The following TSPEAR variants were observed in gnomAD, a reference collection of about 807,000 sequenced individuals.
The protein encoded by TSPEAR is thrombospondin-type laminin G domain and EAR repeat-containing protein.
TSPEAR carries 69 observed loss-of-function variants against 71.6 expected under a neutral mutation model. The ratio of observed to expected loss-of-function variants is 0.96; its 90% CI spans 0.79 to 1.18. TSPEAR has a LOEUF of 1.18. TSPEAR is among the 50% of genes most tolerant of loss of function. The pLI is 0.00. For missense variants in TSPEAR, 971 were observed against 894.9 expected (o/e 1.09, Z -1.09); for synonymous variants, 402 against 387.2 (o/e 1.04, Z -0.45).
chr21:44,616,713 G>A (rs1355213460), intron 1 of TSPEAR, among the ~76,000 whole-genome samples: 1 of 152,238 alleles, frequency 6.6e-6, no homozygotes, highest in African/African-American at 2.4e-5. Flanking sequence ...CCGTGACAAT[G>A]CGGCTGCGCA....
At chr21:44,545,685 G>A (rs2053292633) in intron 2 of TSPEAR, among the ~76,000 whole-genome samples, 1 of 152,052 alleles carries the variant, frequency 6.6e-6, no homozygotes, top group South Asian at 2.1e-4. Context: ...AACTCAAAGA[G>A]AAGACAGAAA....
intron 11 of TSPEAR, 25 bp downstream of exon 11, chr21:44,504,755 G>A (rs781992480): frequency 4.4e-6 from 7 of 1,578,228 alleles, no homozygotes. Flanking sequence ...GCTCTGGGAG[G>A]AGGCCGGCCT....
intron 1 of TSPEAR, chr21:44,627,769 C>A: frequency 6.2e-7 from 1 of 1,600,134 alleles, no homozygotes; most frequent in South Asian, 1.1e-5. Flanking sequence ...CTGCTGTGTG[C>A]CTGTCTGCTC....
intron 1 of TSPEAR, chr21:44,702,078 G>A (rs911013632): frequency 2.1e-5 from 16 of 748,792 alleles, no homozygotes; most frequent in Middle Eastern, 3.8e-4. Flanking sequence ...CGTCACACAC[G>A]TTCCTATGAG....
chr21:44,702,588 C>T (rs1262312332), intron 1 of TSPEAR: 2 of 1,607,542 alleles, frequency 1.2e-6, no homozygotes, highest in Non-Finnish European at 1.7e-6. Flanking sequence ...GCTGCACTTC[C>T]TCCTGCTGCA....
At position 44,527,385 on chromosome 21, in the gene TSPEAR, G is replaced by A. The variant is rs781883275; in HGVS notation, c.1056C>T (p.Ala352=). 2.7e-5 allele frequency: 43 copies of A among 1,614,048 alleles called. No individual in the cohort carries two copies. In the East Asian group the frequency reaches 6.0e-4, roughly 23 times the overall value. Residue 352 remains alanine, a synonymous_variant, in exon 7 of 12, where the codon GCC becomes GCT. Coordinates refer to ENST00000323084, the MANE Select transcript of TSPEAR (RefSeq NM_144991.3). ...ACTTCTCTTCGGTCCACTTGTAGAC[G>A]GCGGATGTGGCTTTGCGATTGGCTG... The part of the protein sequence containing the change: ...VATANRKATS[A]VYKWTEEKFV...
intron 1 of TSPEAR, among the ~76,000 whole-genome samples, chr21:44,660,514 TA>T (rs1985427429): frequency 6.6e-6 from 1 of 152,194 alleles, no homozygotes; most frequent in African/African-American, 2.4e-5. Context: ...CCTATGACAC[TA>T]AAAGTGTCTT....
At chr21:44,541,346 A>G (rs1555917223) in intron 2 of TSPEAR, among the ~76,000 whole-genome samples, 1 of 152,250 alleles carries the variant, frequency 6.6e-6, no homozygotes, top group African/African-American at 2.4e-5. Context: ...TATGCTGTAT[A>G]AAATGCTCTG....
intron 1 of TSPEAR, among the ~76,000 whole-genome samples, chr21:44,617,376 A>G (rs1982172404): frequency 6.6e-6 from 1 of 152,236 alleles, no homozygotes; most frequent in Non-Finnish European, 1.5e-5. Context: ...CAGAACAGAG[A>G]ACAGACACAC....
intron 1 of TSPEAR, among the ~76,000 whole-genome samples, chr21:44,597,339 T>C (rs1395559956): frequency 1.3e-5 from 2 of 152,116 alleles, no homozygotes; most frequent in Non-Finnish European, 2.9e-5. Context: ...TATTCATAAG[T>C]CACACTAGCA....
chr21:44,680,393 A>AC (rs1986524469), intron 1 of TSPEAR, among the ~76,000 whole-genome samples: 1 of 152,252 alleles, frequency 6.6e-6, no homozygotes, highest in African/African-American at 2.4e-5. Context: ...ACAAAAAATA[A>AC]CAGATGCTGG....
intron 9 of TSPEAR, among the ~76,000 whole-genome samples, chr21:44,512,170 G>A (rs2145929893): frequency 6.6e-6 from 1 of 152,338 alleles, no homozygotes; most frequent in African/African-American, 2.4e-5. Flanking sequence ...GGCTGGGGCG[G>A]GCCTACAGGG....
At chr21:44,583,643 G>A (rs782492769) in intron 1 of TSPEAR, among the ~76,000 whole-genome samples, 3 of 152,032 alleles carry the variant, frequency 2.0e-5, no homozygotes, top group Non-Finnish European at 4.4e-5. Context: ...TCTATTTTAT[G>A]AGTATAGTTA....
At chr21:44,646,315 A>G (rs1472008147) in intron 1 of TSPEAR, 1 of 1,199,718 alleles carries the variant, frequency 8.3e-7, no homozygotes, top group African/African-American at 1.5e-5. Flanking sequence ...AAGGAAGAAA[A>G]GCTTGTGGAG....
At position 44,676,519 on chromosome 21, in the gene TSPEAR, G is replaced by A. The variant is rs587687304; in HGVS notation, c.82+34914C>T. The A allele has an allele frequency of 2.3e-4, 172 of 764,194 alleles. 1 individual carries two copies. In the South Asian group the frequency reaches 2.3e-3, roughly 10 times the overall value. The allele number at this position is 764,194 out of a possible 1,614,324, so 47.3% of individuals were successfully genotyped here. A position where few individuals can be genotyped will look rare whatever the true frequency, so the allele number is the denominator to read the frequency against. ...GATTCCTCTGAGTCTGGCATAGGCG[G>A]TATTTATATCCAGAGTAAAGTTGTG... On this transcript the variant is annotated intron_variant, in intron 1 of 11. Coordinates refer to ENST00000323084, the MANE Select transcript of TSPEAR (RefSeq NM_144991.3).
intron 1 of TSPEAR, chr21:44,638,486 G>A (rs1555937771): frequency 5.5e-6 from 2 of 363,932 alleles, no homozygotes; most frequent in Non-Finnish European, 1.1e-5. Flanking sequence ...CCCCGGGGGG[G>A]CACAGGGTGA....
Position 44,612,605 on chromosome 21 carries a change from A to T in TSPEAR, c.83-44600T>A. 2.5e-6 allele frequency: 4 copies of T among 1,613,264 alleles called. No homozygotes were observed. Among genetic ancestry groups the T allele is most frequent in the Admixed American group, 1.7e-5 (1 of 59,974 alleles). ...ATGCCAACAGGCCTGCTGTGTGCCC[A>T]TCTGCTGCAAGCCCATCTGCTGTGT... On this transcript the variant is annotated intron_variant, in intron 1 of 11. Coordinates refer to ENST00000323084, the MANE Select transcript of TSPEAR (RefSeq NM_144991.3). The surrounding 1 kb of genome is among the most constrained non-coding windows in gnomAD (Gnocchi z 4.1).
chr21:44,637,274 G>A (rs1327524033), intron 1 of TSPEAR: 2 of 1,112,522 alleles, frequency 1.8e-6, no homozygotes, highest in East Asian at 2.4e-5. Context: ...ACACGGAAGG[G>A]GAGGGCATTG....
At chr21:44,672,372 C>G (rs2146283696) in intron 1 of TSPEAR, among the ~76,000 whole-genome samples, 1 of 152,256 alleles carries the variant, frequency 6.6e-6, no homozygotes, top group East Asian at 1.9e-4. Context: ...AGATTGAGAC[C>G]ATCCTGGCTA....
Sources: allele counts gnomAD v4.1 joint callset (sites outside exome capture counted in the v4.1 genomes callset), GRCh38; gene constraint gnomAD v4.1.1; non-coding constraint Gnocchi (gnomAD v3.1); transcripts MANE v1.5; gene names NCBI Gene and HGNC (gene_info 2026-07-23, HGNC 2026-07-21).